The following RPH3AL variants were observed in gnomAD, a reference collection of about 807,000 sequenced individuals.
RPH3AL encodes the protein rab effector Noc2.
RPH3AL carries 38 observed loss-of-function variants against 43.1 expected under a neutral mutation model. The ratio of observed to expected loss-of-function variants is 0.88; its 90% CI spans 0.68 to 1.15. RPH3AL has a LOEUF of 1.15. Among genes scored for constraint, RPH3AL ranks in the 50% most tolerant of loss-of-function variants. The pLI, the probability that RPH3AL is intolerant of heterozygous loss-of-function variation, is 0.00. For synonymous variants in RPH3AL, 189 were observed against 176.3 expected (o/e 1.07, Z -0.57); for missense variants, 462 against 423.2 (o/e 1.09, Z -0.81).
chr17:231,977 G>A (rs74559238), intron 7 of RPH3AL, among the ~76,000 whole-genome samples: 21,227 of 152,278 alleles, frequency 0.14, 1,691 homozygotes, highest in African/African-American at 0.2. Context: ...AAGCAACAGC[G>A]GCTCATTTGT....
At chr17:280,874 A>G (rs1016961111) in intron 6 of RPH3AL, among the ~76,000 whole-genome samples, 1 of 152,192 alleles carries the variant, frequency 6.6e-6, no homozygotes, top group Non-Finnish European at 1.5e-5. Flanking sequence ...CAAAGACATC[A>G]TGGCTGAGAA....
chr17:235,631 CACACTAACAA>C (rs1597899752), intron 7 of RPH3AL, among the ~76,000 whole-genome samples: 25 of 115,880 alleles, frequency 2.2e-4, no homozygotes, highest in South Asian at 5.8e-4. Context: ...GCGGAGGCTC[CACACTAACAA>C]GATGGATCCA....
At chr17:262,227 GT>G (rs201722147) in intron 6 of RPH3AL, among the ~76,000 whole-genome samples, 21 of 149,106 alleles carry the variant, frequency 1.4e-4, no homozygotes, top group Middle Eastern at 6.9e-3. Context: ...CATGTTTACA[GT>G]TTTTTTTTTA....
chr17:248,650 T>A (rs2041820381), intron 6 of RPH3AL, among the ~76,000 whole-genome samples: 1 of 152,174 alleles, frequency 6.6e-6, no homozygotes, highest in Non-Finnish European at 1.5e-5. Flanking sequence ...GGGGTCCCTC[T>A]GTTCCTCTAA....
At chr17:332,280 G>A (rs973425797) in intron 2 of RPH3AL, 5 of 160,482 alleles carry the variant, frequency 3.1e-5, no homozygotes, top group African/African-American at 1.2e-4. Flanking sequence ...AAGGAGGAGC[G>A]TGTGTGTGTG....
Position 322,856 on chromosome 17 carries a change from T to G in RPH3AL, c.78-1441A>C, listed in dbSNP as rs1394196166. On this transcript the variant is annotated intron_variant, in intron 3 of 9. Coordinates refer to ENST00000331302, the MANE Select transcript of RPH3AL (RefSeq NM_006987.4). The surrounding 1 kb of genome is among the most constrained non-coding windows in gnomAD (Gnocchi z 4.0). The stretch of plus-strand genomic sequence containing the variant: ...TCTGTCAGGGGGAGCTGGGGGCTGA[T>G]GAATGTGAAGATCTAGGGTTTGGAG... 6.6e-6 allele frequency among the ~76,000 whole-genome samples: 1 copy of G among 152,064 alleles called. No individual in the cohort carries two copies. The highest frequency in any genetic ancestry group is 2.4e-5 in the African/African-American group (1 of 41,400).
intron 5 of RPH3AL, among the ~76,000 whole-genome samples, chr17:291,454 G>A: frequency 6.6e-6 from 1 of 152,176 alleles, no homozygotes; most frequent in Non-Finnish European, 1.5e-5. Flanking sequence ...GTTCCAGTGA[G>A]TTGAAATCGG....
chr17:328,787 GGATT>G lies in RPH3AL; in HGVS notation c.-36-1212_-36-1209del, dbSNP rs1285044244. 2.6e-5 allele frequency among the ~76,000 whole-genome samples: 4 copies of G among 152,240 alleles called. No homozygotes were observed. In the East Asian group the frequency reaches 7.7e-4, roughly 29 times the overall value. The stretch of plus-strand genomic sequence containing the variant: ...TTTACAATGGAGTATGATTTACAAT[GGATT>G]ATTATTTGGCCGTAAAAAGGAATGA... On this transcript the variant is annotated intron_variant, in intron 2 of 9. Transcript: ENST00000331302. The surrounding 1 kb of genome is among the most constrained non-coding windows in gnomAD (Gnocchi z 4.2).
chr17:281,428 C>CT (rs2042775107), intron 6 of RPH3AL, among the ~76,000 whole-genome samples: 1 of 152,114 alleles, frequency 6.6e-6, no homozygotes, highest in Non-Finnish European at 1.5e-5. Context: ...GTAGCTACTA[C>CT]TGTTACCATA....
Position 246,194 on chromosome 17 carries a change from C to T in RPH3AL, c.613+917G>A, listed in dbSNP as rs1369872946. ...AGGTCACAACCGAAGACCAGGATGT[C>T]GCAAAGCCCCTGAGAAGCGGCCGCC... On this transcript the variant is annotated intron_variant, in intron 7 of 9. Coordinates refer to ENST00000331302, the MANE Select transcript of RPH3AL (RefSeq NM_006987.4). This position sits in a 1 kb window ranked among gnomAD's most constrained non-coding sequence, Gnocchi z 4.8. 2.0e-5 allele frequency among the ~76,000 whole-genome samples: 3 copies of T among 152,152 alleles called. No individual in the cohort carries two copies. The highest frequency in any genetic ancestry group is 4.8e-5 in the African/African-American group (2 of 41,444).
At position 301,838 on chromosome 17, in the gene RPH3AL, C is replaced by T. The variant is rs563724093; in HGVS notation, c.351+17582G>A. ...CATTGCAAGGCACTGGCTGTGTCAT[C>T]GAGAGGGAGTCATCCCTCTGAGCGT... On this transcript the variant is annotated intron_variant, in intron 5 of 9. Coordinates refer to ENST00000331302, the MANE Select transcript of RPH3AL (RefSeq NM_006987.4). Among the ~76,000 whole-genome samples, 295 of 152,286 alleles carry T rather than the reference C, an allele frequency of 1.9e-3. 2 individuals carry two copies. Among genetic ancestry groups the T allele is most frequent in the Admixed American group, 3.7e-3 (56 of 15,300 alleles).
Position 245,268 on chromosome 17 carries a change from TGTCA to T in RPH3AL, c.613+1839_613+1842del, listed in dbSNP as rs1555539393. Among the ~76,000 whole-genome samples the T allele has an allele frequency of 6.6e-6, 1 of 150,602 alleles. No individual in the cohort carries two copies. Among genetic ancestry groups the T allele is most frequent in the African/African-American group, 2.4e-5 (1 of 40,850 alleles). On this transcript the variant is annotated intron_variant, in intron 7 of 9. Transcript: ENST00000331302. This position sits in a 1 kb window ranked among gnomAD's most constrained non-coding sequence, Gnocchi z 5.9. ...GAGAGCATGTGTGTGTGCACGTGGA[TGTCA>T]GTGTGTGTGTACGTGGGTGTGTGTG...
chr17:302,193 G>A (rs1446316321), intron 5 of RPH3AL, among the ~76,000 whole-genome samples: 2 of 152,258 alleles, frequency 1.3e-5, no homozygotes, highest in Non-Finnish European at 2.9e-5. Context: ...GACTGAGCCC[G>A]AGCTGCCTGG....
At chr17:319,288 G>A in intron 5 of RPH3AL, 132 bp downstream of exon 5, 3 of 1,119,362 alleles carry the variant, frequency 2.7e-6, no homozygotes, top group Admixed American at 2.8e-5. Context: ...AGTGCTTCTT[G>A]CCAAGATGCA....
chr17:326,633 C>A (rs2044627918), intron 3 of RPH3AL, among the ~76,000 whole-genome samples: 1 of 152,232 alleles, frequency 6.6e-6, no homozygotes, highest in South Asian at 2.1e-4. Flanking sequence ...GTAATCCCAG[C>A]ACTTTGGGAG....
chr17:273,095 GTGA>G (rs2042546101), intron 6 of RPH3AL, among the ~76,000 whole-genome samples: 2 of 131,956 alleles, frequency 1.5e-5, no homozygotes, highest in African/African-American at 2.7e-5. Context: ...CCCAGCGAGG[GTGA>G]CGTCAGGGAG....
intron 7 of RPH3AL, among the ~76,000 whole-genome samples, chr17:231,396 G>A (rs1224627436): frequency 6.6e-6 from 1 of 152,202 alleles, no homozygotes; most frequent in African/African-American, 2.4e-5. Flanking sequence ...CTGTGTGCAG[G>A]CCAGGGCCCT....
At chr17:227,411 T>C (rs1371121904) in intron 7 of RPH3AL, among the ~76,000 whole-genome samples, 1 of 152,202 alleles carries the variant, frequency 6.6e-6, no homozygotes, top group Non-Finnish European at 1.5e-5. Flanking sequence ...TGGAGAGGCC[T>C]GGCCTGGGAT....
chr17:215,635 G>T lies in RPH3AL; in HGVS notation c.876+19C>A. 7.9e-7 allele frequency: 1 copy of T among 1,264,120 alleles called. No homozygotes were observed. The highest frequency in any genetic ancestry group is 1.0e-6 in the Non-Finnish European group (1 of 999,440). 78.3% of individuals were successfully genotyped at this position (1,264,120 alleles called of 1,614,324 possible). A position where few individuals can be genotyped will look rare whatever the true frequency, so the allele number is the denominator to read the frequency against. ...CCGCGGGGGCAGGAGAGGGGAGAAGGCAGCAGTTGGGTACTCACCGGGGCC... is the reference window on the plus strand; with the variant it reads ...CCGCGGGGGCAGGAGAGGGGAGAAGTCAGCAGTTGGGTACTCACCGGGGCC... On this transcript the variant is annotated intron_variant, in intron 9 of 9. Transcript: ENST00000331302. The surrounding 1 kb of genome is among the most constrained non-coding windows in gnomAD (Gnocchi z 4.1).
Sources: allele counts gnomAD v4.1 joint callset (sites outside exome capture counted in the v4.1 genomes callset), GRCh38; gene constraint gnomAD v4.1.1; non-coding constraint Gnocchi (gnomAD v3.1); transcripts MANE v1.5; gene names NCBI Gene and HGNC (gene_info 2026-07-23, HGNC 2026-07-21).